Variants in ALPK2 observed in about 807,000 individuals in gnomAD.
The protein encoded by ALPK2 is alpha-protein kinase 2.
A neutral mutation model predicts 163.1 loss-of-function variants in ALPK2; 127 were observed. The observed-to-expected ratio is 0.78, with a 90% CI of 0.67 to 0.90. The LOEUF is 0.90. ALPK2 is among the 40% of genes least tolerant of loss of function. The pLI is 0.00. For missense variants in ALPK2, 2,360 were observed against 2,589.6 expected (o/e 0.91, Z 1.92); for synonymous variants, 953 against 959.1 (o/e 0.99, Z 0.12).
chr18:58,541,382 C>CATGAGGA lies in ALPK2; in HGVS notation c.1963-3165_1963-3159dup, dbSNP rs370740773. Among the ~76,000 whole-genome samples the CATGAGGA allele has an allele frequency of 1.5e-3, 234 of 152,382 alleles. 1 individual carries two copies. The highest frequency in any genetic ancestry group is 5.3e-3 in the African/African-American group (222 of 41,604). On this transcript the variant is annotated intron_variant, in intron 4 of 12. Coordinates refer to ENST00000361673, the MANE Select transcript of ALPK2 (RefSeq NM_052947.4). The stretch of plus-strand genomic sequence containing the variant: ...TACCAGGAGATGGCGCTAAGCCATT[C>CATGAGGA]ATGAGGAACCACCCGCATCATCCAA...
chr18:58,504,494 C>T (rs2051451459), intron 10 of ALPK2, among the ~76,000 whole-genome samples: 1 of 151,990 alleles, frequency 6.6e-6, no homozygotes, highest in Admixed American at 6.5e-5. Flanking sequence ...ATCCATTCAT[C>T]CTTCCTTCCT....
At chr18:58,549,236 T>G (rs1193429877) in intron 4 of ALPK2, among the ~76,000 whole-genome samples, 1 of 152,046 alleles carries the variant, frequency 6.6e-6, no homozygotes, top group Non-Finnish European at 1.5e-5. Flanking sequence ...GCACTGAAAG[T>G]GAGGATGTCC....
intron 11 of ALPK2, among the ~76,000 whole-genome samples, chr18:58,500,715 A>G (rs2051427404): frequency 2.0e-5 from 3 of 152,130 alleles, no homozygotes; most frequent in Non-Finnish European, 4.4e-5. Context: ...GCTTGAGGTC[A>G]GGAGTTCAGA....
rs541753586 is a variant in ALPK2 at position 58,537,142 on chromosome 18, G to T, written c.3045C>A (p.Thr1015=). 6.2e-7 allele frequency: 1 copy of T among 1,614,068 alleles called. No individual in the cohort carries two copies. Among genetic ancestry groups the T allele is most frequent in the Admixed American group, 1.7e-5 (1 of 60,024 alleles). The change falls in exon 5 of 13, where the codon ACC becomes ACA. Residue 1015 remains threonine, a synonymous_variant. Transcript: ENST00000361673. ...TEDTSTVTIA[T]EVHPAKYLAV... ...CAAGGTATTTGGCTGGGTGGACTTC[G>T]GTGGCAATGGTAACAGTTGATGTGT... is the stretch of plus-strand genomic sequence containing the variant.
Position 58,579,017 on chromosome 18 carries a change from T to C in ALPK2, c.1759A>G (p.Thr587Ala). The C allele has an allele frequency of 1.2e-6, 2 of 1,614,230 alleles. No homozygotes were observed. Among genetic ancestry groups the C allele is most frequent in the Non-Finnish European group, 1.7e-6 (2 of 1,180,042 alleles). ...QSDKRETSHT[T>A]AAATGRSSHA... ...GAACTCCGACCAGTCGCTGCTGCTG[T>C]GGTGTGAGAAGTCTCTCTTTTATCA... The change falls in exon 4 of 13, where the codon ACA becomes GCA. Residue 587 changes from threonine (T) to alanine (A), a missense_variant. Thr to Ala is a moderately conservative substitution (Grantham distance 58). Coordinates refer to ENST00000361673, the MANE Select transcript of ALPK2 (RefSeq NM_052947.4).
intron 4 of ALPK2, among the ~76,000 whole-genome samples, chr18:58,573,630 T>TTTTTTTTTTTTG: frequency 7.0e-6 from 1 of 142,210 alleles, no homozygotes; most frequent in Non-Finnish European, 1.5e-5. Flanking sequence ...TTTTTTTTTT[T>TTTTTTTTTTTTG]TTTTTTTAGT....
intron 4 of ALPK2, among the ~76,000 whole-genome samples, chr18:58,569,237 T>C (rs971011127): frequency 6.6e-6 from 1 of 152,118 alleles, no homozygotes; most frequent in Non-Finnish European, 1.5e-5. Context: ...ATTGTGTAGC[T>C]CAGCCAAGGC....
intron 4 of ALPK2, among the ~76,000 whole-genome samples, chr18:58,562,878 C>A (rs1229313749): frequency 6.6e-6 from 1 of 152,188 alleles, no homozygotes; most frequent in Non-Finnish European, 1.5e-5. Flanking sequence ...TCTGGTGTCT[C>A]TCCTTACAAG....
intron 1 of ALPK2, among the ~76,000 whole-genome samples, chr18:58,612,578 A>G (rs1048910924): frequency 6.6e-6 from 1 of 152,242 alleles, no homozygotes; most frequent in Non-Finnish European, 1.5e-5. Flanking sequence ...AAGATCACAC[A>G]GCTCAAGTGG....
intron 5 of ALPK2, among the ~76,000 whole-genome samples, chr18:58,531,757 GTGAAA>G: frequency 6.6e-6 from 1 of 150,944 alleles, no homozygotes; most frequent in African/African-American, 2.4e-5. Context: ...GGCCAACATG[GTGAAA>G]CCCCGTCTCT....
chr18:58,609,325 A>T (rs942644273), intron 2 of ALPK2, among the ~76,000 whole-genome samples: 1 of 152,158 alleles, frequency 6.6e-6, no homozygotes. Context: ...AGACACCAAA[A>T]AATGGGCTTC....
intron 8 of ALPK2, 110 bp from the exon 9 acceptor site, chr18:58,517,292 A>G: frequency 8.9e-7 from 1 of 1,127,578 alleles, no homozygotes; most frequent in African/African-American, 1.5e-5. Flanking sequence ...GCTGACCTGC[A>G]GAACCAAGAG....
intron 1 of ALPK2, among the ~76,000 whole-genome samples, chr18:58,613,708 A>AATAATAAT (rs1555678003): frequency 1.8e-3 from 174 of 95,182 alleles, no homozygotes; most frequent in Admixed American, 5.1e-3. Flanking sequence ...CAAAAAAAAA[A>AATAATAAT]AATAATAATA....
intron 1 of ALPK2, among the ~76,000 whole-genome samples, chr18:58,627,168 C>A (rs1392193243): frequency 1.3e-5 from 2 of 152,138 alleles, no homozygotes; most frequent in South Asian, 4.1e-4. Flanking sequence ...TCAACTGCAT[C>A]GCATCACAGG....
intron 1 of ALPK2, among the ~76,000 whole-genome samples, chr18:58,623,763 C>G (rs1215008436): frequency 6.6e-6 from 1 of 152,376 alleles, no homozygotes; most frequent in Non-Finnish European, 1.5e-5. Context: ...GCCACCGTGC[C>G]TGGCTGGTTC....
At position 58,578,733 on chromosome 18, in the gene ALPK2, G is replaced by GACACACACACGCGCGCACGCGCGCGCAC. The variant is rs777103869; in HGVS notation, c.1962+80_1962+81insGTGCGCGCGCGTGCGCGCGTGTGTGTGT. 2.8e-4 allele frequency: 148 copies of GACACACACACGCGCGCACGCGCGCGCAC among 533,354 alleles called. 3 individuals carry two copies. The highest frequency in any genetic ancestry group is 7.8e-4 in the South Asian group (28 of 35,984). 33.0% of individuals were successfully genotyped at this position (533,354 alleles called of 1,614,324 possible). A position where few individuals can be genotyped will look rare whatever the true frequency, so the allele number is the denominator to read the frequency against. ...ATTGTGAATGTGAAGTAAAGGAAGA[G>GACACACACACGCGCGCACGCGCGCGCAC]ACACACACACACACACACACACACA... On this transcript the variant is annotated intron_variant, in intron 4 of 12. Coordinates refer to ENST00000361673, the MANE Select transcript of ALPK2 (RefSeq NM_052947.4).
intron 4 of ALPK2, among the ~76,000 whole-genome samples, chr18:58,569,936 C>A (rs570919538): frequency 3.3e-5 from 5 of 152,034 alleles, no homozygotes; most frequent in Non-Finnish European, 7.4e-5. Flanking sequence ...CAAGACCGTC[C>A]TGGCTAACAT....
intron 4 of ALPK2, among the ~76,000 whole-genome samples, chr18:58,555,367 G>A (rs78533724): frequency 0.016 from 2,477 of 152,200 alleles, 41 homozygotes; most frequent in East Asian, 0.092. Context: ...TCATATCTAG[G>A]TACCCACAAT....
At position 58,538,077 on chromosome 18, in the gene ALPK2, A is replaced by G; in HGVS notation, c.2110T>C (p.Leu704=). The G allele has an allele frequency of 6.2e-7, 1 of 1,614,136 alleles. No homozygotes were observed. The highest frequency in any genetic ancestry group is 8.5e-7 in the Non-Finnish European group (1 of 1,180,010). Residue 704 remains leucine, a synonymous_variant, in exon 5 of 13, where the codon TTA becomes CTA. Coordinates refer to ENST00000361673, the MANE Select transcript of ALPK2 (RefSeq NM_052947.4). ...GGTTTGACCTCCGAGTGTTGAGCTA[A>G]TGATGCATTTTCCTTGTGGACCCCT... The part of the protein sequence containing the change: ...LGGVHKENAS[L]AQHSEVKPCT...
Sources: gnomAD v4.1 joint callset for allele counts (sites outside exome capture counted in the v4.1 genomes callset) on GRCh38, gnomAD v4.1.1 for gene constraint, MANE v1.5 for transcripts, NCBI Gene and HGNC (gene_info 2026-07-23, HGNC 2026-07-21) for gene names.